TRIM14: variants seen among roughly 807,000 people sequenced by gnomAD.
TRIM14 encodes tripartite motif containing 14.
A neutral mutation model predicts 44.5 loss-of-function variants in TRIM14; 28 were observed. The observed-to-expected ratio is 0.63, with a 90% CI of 0.47 to 0.86. TRIM14 has a LOEUF of 0.86. Ranked by LOEUF, TRIM14 falls within the 40% of genes least tolerant of loss-of-function variation. The pLI, the probability that TRIM14 is intolerant of heterozygous loss-of-function variation, is 0.00. For synonymous variants in TRIM14, 299 were observed against 269.2 expected (o/e 1.11, Z -1.08); for missense variants, 607 against 611.1 (o/e 0.99, Z 0.07).
chr9:98,091,350 G>C (rs1336525559), intron 5 of TRIM14, among the ~76,000 whole-genome samples: 1 of 152,110 alleles, frequency 6.6e-6, no homozygotes, highest in African/African-American at 2.4e-5. Context: ...CCAGCTATGA[G>C]GGAGGCTGAG....
At chr9:98,080,699 C>T (rs1363751949), downstream of TRIM14, 2 of 1,162,150 alleles carry the variant, frequency 1.7e-6, no homozygotes, top group East Asian at 5.1e-5. Context: ...AGTATCTTGC[C>T]CCTGGCTGCA....
chr9:98,037,094 G>C, the TRIM14 span, among the ~76,000 whole-genome samples: 1 of 151,560 alleles, frequency 6.6e-6, no homozygotes, highest in Non-Finnish European at 1.5e-5. Flanking sequence ...GGGCAAAGAA[G>C]GGGCCGGGCA....
At chr9:98,064,759 C>T (rs1829086369), downstream of TRIM14, among the ~76,000 whole-genome samples, 1 of 152,102 alleles carries the variant, frequency 6.6e-6, no homozygotes, top group African/African-American at 2.4e-5. Flanking sequence ...TTCCACAGTC[C>T]CTCAGCTGCT....
At chr9:98,042,756 G>T in the TRIM14 span, among the ~76,000 whole-genome samples, 22 of 152,026 alleles carry the variant, frequency 1.4e-4, no homozygotes, top group South Asian at 4.6e-3. Flanking sequence ...TGTAGTACCA[G>T]CTACTCAGGA....
chr9:98,040,189 A>G, the TRIM14 span, among the ~76,000 whole-genome samples: 2 of 152,002 alleles, frequency 1.3e-5, no homozygotes, highest in South Asian at 4.2e-4. Context: ...CCAAACACGC[A>G]CTTCCTCAGA....
At chr9:98,039,596 T>A in the TRIM14 span, among the ~76,000 whole-genome samples, 119 of 152,172 alleles carry the variant, frequency 7.8e-4, no homozygotes, top group African/African-American at 2.8e-3. Flanking sequence ...CTCCCTAAAC[T>A]GCTCCTAAGG....
At chr9:98,038,978 A>T in the TRIM14 span, among the ~76,000 whole-genome samples, 1 of 151,836 alleles carries the variant, frequency 6.6e-6, no homozygotes, top group Non-Finnish European at 1.5e-5. Flanking sequence ...TGAACCCAGG[A>T]GGCAGAGGTT....
chr9:98,054,885 C>T, the TRIM14 span, among the ~76,000 whole-genome samples: 1 of 152,198 alleles, frequency 6.6e-6, no homozygotes, highest in Non-Finnish European at 1.5e-5. Context: ...ACTACCTACA[C>T]AGCTGATTTA....
chr9:98,061,515 C>T, the TRIM14 span, among the ~76,000 whole-genome samples: 1 of 148,174 alleles, frequency 6.7e-6, no homozygotes, highest in Non-Finnish European at 1.5e-5. Flanking sequence ...GGCGCGGTGT[C>T]TCACACCTGT....
At chr9:98,106,584 A>AT (rs1826619661) in intron 2 of TRIM14, among the ~76,000 whole-genome samples, 1 of 152,166 alleles carries the variant, frequency 6.6e-6, no homozygotes, top group Non-Finnish European at 1.5e-5. Flanking sequence ...TATTAATTCC[A>AT]TTTTTCTTAT....
At chr9:98,046,431 GT>G in the TRIM14 span, among the ~76,000 whole-genome samples, 1 of 151,594 alleles carries the variant, frequency 6.6e-6, no homozygotes, top group Admixed American at 6.6e-5. Flanking sequence ...ATGCAGAAGA[GT>G]TTTTTTGTTT....
Position 98,114,265 on chromosome 9 carries a change from C to T in TRIM14, c.208-4281G>A, listed in dbSNP as rs532856982. On this transcript the variant is annotated intron_variant, in intron 1 of 5. Transcript: ENST00000341469. ...TTATGATAAACTGGTGTGTGCCACA[C>T]AAATAACCACATATCCTAGTCAATT... 3.2e-4 allele frequency among the ~76,000 whole-genome samples: 48 copies of T among 152,260 alleles called. No homozygotes were observed. The South Asian group carries it at 9.9e-3, about 32-fold the overall frequency.
intron 2 of TRIM14, among the ~76,000 whole-genome samples, chr9:98,109,203 A>ACC (rs1010557986): frequency 6.6e-6 from 1 of 151,594 alleles, no homozygotes; most frequent in Non-Finnish European, 1.5e-5. Flanking sequence ...AGGGCCTCCC[A>ACC]CCCCAGCCCT....
At chr9:98,089,743 C>T (rs952460817) in intron 5 of TRIM14, among the ~76,000 whole-genome samples, 20 of 152,268 alleles carry the variant, frequency 1.3e-4, no homozygotes, top group Admixed American at 5.9e-4. Context: ...TGGTAGAAAA[C>T]GCATCAAAAT....
At chr9:98,056,536 A>C in the TRIM14 span, among the ~76,000 whole-genome samples, 1 of 151,876 alleles carries the variant, frequency 6.6e-6, no homozygotes, top group Non-Finnish European at 1.5e-5. Flanking sequence ...GCTCTGGGAC[A>C]GCAAGCCTCA....
rs527321964 is a variant in TRIM14, at chr9:98,087,910, G to A, written c.889C>T (p.Leu297=). Residue 297 remains leucine, a synonymous_variant, in exon 6 of 6, where the codon CTG becomes TTG. Coordinates refer to ENST00000341469, the MANE Select transcript of TRIM14 (RefSeq NM_014788.4). ...AACCGCAGCACGGGCACGGGCCCCA[G>A]GCTGCCCAGCAGGCCGCAGCGCACC... ...LTVRCGLLGS[L]GPVPVLRFDA... The A allele has an allele frequency of 9.6e-6, 15 of 1,569,074 alleles. No individual in the cohort carries two copies. The highest frequency in any genetic ancestry group is 7.0e-5 in the African/African-American group (5 of 71,296).
chr9:98,107,131 GAC>G (rs1826644584), intron 2 of TRIM14, among the ~76,000 whole-genome samples: 1 of 152,128 alleles, frequency 6.6e-6, no homozygotes, highest in African/African-American at 2.4e-5. Flanking sequence ...AAAAACTTGT[GAC>G]AATACCAAAT....
chr9:98,111,190 T>TGATG (rs1409157291), intron 1 of TRIM14, among the ~76,000 whole-genome samples: 3 of 152,182 alleles, frequency 2.0e-5, no homozygotes, highest in South Asian at 4.2e-4. Flanking sequence ...GTTTGGTGAA[T>TGATG]GATGGATGGA....
At chr9:98,072,004 G>A (rs1829356154) in intron 6 of TRIM14, among the ~76,000 whole-genome samples, 1 of 152,136 alleles carries the variant, frequency 6.6e-6, no homozygotes, top group Admixed American at 6.5e-5. Context: ...TTTGCAGCGG[G>A]GCTTCCTCCT....
Sources: gnomAD v4.1 joint callset for allele counts (sites outside exome capture counted in the v4.1 genomes callset) on GRCh38, gnomAD v4.1.1 for gene constraint, MANE v1.5 for transcripts, NCBI Gene and HGNC (gene_info 2026-07-23, HGNC 2026-07-21) for gene names.